The following SPEN variants were observed in gnomAD, a reference collection of about 807,000 sequenced individuals.
SPEN encodes the protein msx2-interacting protein.
Under a neutral mutation model 269.9 loss-of-function variants are expected in SPEN, and 18 were observed. The ratio of observed to expected loss-of-function variants is 0.07; its 90% CI spans 0.05 to 0.10. The LOEUF (loss-of-function observed/expected upper bound fraction) is 0.10, where lower values mean the gene tolerates loss of function less well. SPEN is among the 10% of genes least tolerant of loss of function. The pLI is 1.00. For synonymous variants in SPEN, 1,726 were observed against 1,765.7 expected (o/e 0.98, Z 0.56); for missense variants, 3,822 against 4,631.2 (o/e 0.83, Z 5.07).
At chr1:15,879,798 G>T (rs2070669599) in intron 3 of SPEN, among the ~76,000 whole-genome samples, 1 of 151,996 alleles carries the variant, frequency 6.6e-6, no homozygotes, top group South Asian at 2.1e-4. Flanking sequence ...AGCCTCTCGA[G>T]TAGCTGGGAC....
chr1:15,868,505 G>A (rs1253370625), intron 1 of SPEN, among the ~76,000 whole-genome samples: 3 of 151,524 alleles, frequency 2.0e-5, no homozygotes, highest in Non-Finnish European at 2.9e-5. Flanking sequence ...TGCGATCTTG[G>A]CTCACTGCAA....
intron 4 of SPEN, among the ~76,000 whole-genome samples, chr1:15,910,771 A>G (rs2071005446): frequency 6.6e-6 from 1 of 152,192 alleles, no homozygotes; most frequent in Non-Finnish European, 1.5e-5. Flanking sequence ...CAAAATAACC[A>G]ATACTATCAT....
intron 1 of SPEN, among the ~76,000 whole-genome samples, chr1:15,856,459 A>G (rs2070389010): frequency 6.6e-6 from 1 of 152,144 alleles, no homozygotes; most frequent in Admixed American, 6.6e-5. Flanking sequence ...CGTCACCAAT[A>G]CAAATCATAT....
At chr1:15,898,199 G>A (rs1453926234) in intron 3 of SPEN, among the ~76,000 whole-genome samples, 1 of 143,512 alleles carries the variant, frequency 7.0e-6, no homozygotes, top group African/African-American at 2.5e-5. Context: ...GTGTGTGTGT[G>A]TGTGTGTGTG....
chr1:15,875,307 G>A (rs563421260), intron 2 of SPEN, among the ~76,000 whole-genome samples: 21 of 151,928 alleles, frequency 1.4e-4, no homozygotes, highest in African/African-American at 4.8e-4. Flanking sequence ...TGCTAATAGC[G>A]ACCTTAGAAT....
chr1:15,890,557 G>GATTTTTTTTTTTTTTT (rs1253450395), intron 3 of SPEN, among the ~76,000 whole-genome samples: 1 of 139,462 alleles, frequency 7.2e-6, no homozygotes. Flanking sequence ...TTTTGACTCA[G>GATTTTTTTTTTTTTTT]GTTTTTTTTT....
rs2071234556 is a variant in SPEN at position 15,932,723 on chromosome 1, A to T, written c.6483A>T (p.Glu2161Asp). The T allele has an allele frequency of 6.2e-7, 1 of 1,614,068 alleles. No individual in the cohort carries two copies. Among genetic ancestry groups the T allele is most frequent in the African/African-American group, 1.3e-5 (1 of 74,924 alleles). Residue 2161 changes from glutamate to aspartate, a missense_variant, in exon 11 of 15, where the codon GAA becomes GAT. Around this residue, in one of 16 missense-constraint regions of SPEN, gnomAD observed 727 missense variants for 737.9 expected, o/e 0.99. Coordinates refer to ENST00000375759, the MANE Select transcript of SPEN (RefSeq NM_015001.3). This position sits in a 1 kb window ranked among gnomAD's most constrained non-coding sequence, Gnocchi z 4.2. ...EDVSASGPSPEATQLAKQMEL... is the reference protein window; with the variant it reads ...EDVSASGPSPDATQLAKQMEL... ...TGTCTGCCTCTGGGCCGTCCCCAGA[A>T]GCCACCCAGTTAGCCAAGCAGATGG...
intron 3 of SPEN, 30 bp from the exon 4 acceptor site, chr1:15,909,291 C>A (rs2148728055): frequency 6.3e-7 from 1 of 1,584,036 alleles, no homozygotes; most frequent in Non-Finnish European, 8.6e-7. Flanking sequence ...TGTCTTTTCA[C>A]TAAAGTTTGT....
chr1:15,856,320 C>T (rs993360997), intron 1 of SPEN, among the ~76,000 whole-genome samples: 26 of 151,898 alleles, frequency 1.7e-4, no homozygotes, highest in South Asian at 8.3e-4. Flanking sequence ...AAGACCTCAT[C>T]GATCAGAATT....
chr1:15,926,300 T>C (rs1457776621), intron 10 of SPEN, among the ~76,000 whole-genome samples: 3 of 151,356 alleles, frequency 2.0e-5, no homozygotes, highest in Non-Finnish European at 4.4e-5. Flanking sequence ...GTGGTGGTGG[T>C]GAGGTAGGAG....
At chr1:15,849,877 C>T (rs2070315993) in intron 1 of SPEN, among the ~76,000 whole-genome samples, 1 of 152,136 alleles carries the variant, frequency 6.6e-6, no homozygotes, top group South Asian at 2.1e-4. Context: ...TAGGTCTCTG[C>T]CTGGGAAATT....
At position 15,932,113 on chromosome 1, in the gene SPEN, G is replaced by A. The variant is rs143927299; in HGVS notation, c.5873G>A (p.Arg1958Gln). The change falls in exon 11 of 15, where the codon CGG (arginine) becomes CAG (glutamine). Residue 1958 changes from arginine to glutamine, a missense_variant. Coordinates refer to ENST00000375759, the MANE Select transcript of SPEN (RefSeq NM_015001.3). The surrounding 1 kb of genome is among the most constrained non-coding windows in gnomAD (Gnocchi z 4.2). ...AGGGGAAGGCCTCCAAAGACACGCC[G>A]GCGAGCCGATGAAGAGGAGGAGAAC... ...PRRGRPPKTRRRADEEEENEA... is the reference protein window; with the variant it reads ...PRRGRPPKTRQRADEEEENEA... The A allele has an allele frequency of 2.1e-5, 34 of 1,613,704 alleles. No homozygotes were observed. Among genetic ancestry groups the A allele is most frequent in the East Asian group, 1.3e-4 (6 of 44,894 alleles).
intron 3 of SPEN, among the ~76,000 whole-genome samples, chr1:15,879,599 G>A (rs575851456): frequency 6.6e-6 from 1 of 152,150 alleles, no homozygotes; most frequent in Admixed American, 6.6e-5. Context: ...TCAAGTTAGG[G>A]TAGCTAGATG....
chr1:15,935,429 A>G lies in SPEN; in HGVS notation c.9189A>G (p.Pro3063=), dbSNP rs181769308. 2.3e-4 allele frequency: 365 copies of G among 1,613,992 alleles called. 4 individuals carry two copies. The highest frequency in any genetic ancestry group is 1.9e-5 in the Non-Finnish European group (23 of 1,179,980). ...NATVMLAAGI[P]VPQFISSIHP... ...CAGTCATGCTGGCTGCAGGCATCCC[A>G]GTGCCCCAGTTCATCTCCAGCATCC... Residue 3063 remains proline (P), a synonymous_variant, in exon 11 of 15, where the codon CCA becomes CCG. Coordinates refer to ENST00000375759, the MANE Select transcript of SPEN (RefSeq NM_015001.3). This position sits in a 1 kb window ranked among gnomAD's most constrained non-coding sequence, Gnocchi z 7.7.
Position 15,933,080 on chromosome 1 carries a change from A to G in SPEN, c.6840A>G (p.Glu2280=). The change falls in exon 11 of 15, where the codon GAA becomes GAG. Residue 2280 remains glutamate, a synonymous_variant. Coordinates refer to ENST00000375759, the MANE Select transcript of SPEN (RefSeq NM_015001.3). This position sits in a 1 kb window ranked among gnomAD's most constrained non-coding sequence, Gnocchi z 5.7. ...TCCTGGAAACTGAGGCTGCTACAGA[A>G]TCTTCTAGGCCTCCAGTCAATGCTC... is the stretch of plus-strand genomic sequence containing the variant. The part of the protein sequence containing the change: ...SGILETEAAT[E]SSRPPVNAPD... 5 of 1,614,134 alleles carry G rather than the reference A, an allele frequency of 3.1e-6. No individual in the cohort carries two copies. Among genetic ancestry groups the G allele is most frequent in the Non-Finnish European group, 4.2e-6 (5 of 1,179,964 alleles).
Position 15,901,663 on chromosome 1 carries a change from A to C in SPEN, c.882-7658A>C, listed in dbSNP as rs1203147317. Among the ~76,000 whole-genome samples the C allele has an allele frequency of 4.6e-5, 7 of 151,422 alleles. 1 individual carries two copies. In the South Asian group the frequency reaches 1.2e-3, roughly 27 times the overall value. Reference sequence around the variant, plus strand: ...AGACTCCATCTCAAAAAAAAAAAAAAAAAAAACACCAACAAAAGAGGCTTA... The same window carrying C: ...AGACTCCATCTCAAAAAAAAAAAAACAAAAAACACCAACAAAAGAGGCTTA... On this transcript the variant is annotated intron_variant, in intron 3 of 14. Transcript: ENST00000375759.
At chr1:15,921,565 A>C (rs2071120239) in intron 9 of SPEN, among the ~76,000 whole-genome samples, 1 of 152,038 alleles carries the variant, frequency 6.6e-6, no homozygotes. Context: ...TCACACAGAC[A>C]CTCTCATCGC....
intron 3 of SPEN, among the ~76,000 whole-genome samples, chr1:15,896,496 T>G (rs1336095491): frequency 3.9e-5 from 6 of 152,118 alleles, no homozygotes; most frequent in South Asian, 2.1e-4. Context: ...ATGCCCAGCC[T>G]TTACCATCAC....
At position 15,935,063 on chromosome 1, in the gene SPEN, G is replaced by A; in HGVS notation, c.8823G>A (p.Val2941=). Reference sequence around the variant, plus strand: ...CCCAGGGGATCAACACACCCCCTGTGCTGGTTCACAACCAGCTGGTCCTCA... The same window carrying A: ...CCCAGGGGATCAACACACCCCCTGTACTGGTTCACAACCAGCTGGTCCTCA... ...VLTQGINTPP[V]LVHNQLVLTP... Residue 2941 remains valine, a synonymous_variant, in exon 11 of 15, where the codon GTG becomes GTA. Transcript: ENST00000375759. This position sits in a 1 kb window ranked among gnomAD's most constrained non-coding sequence, Gnocchi z 7.7. 6.2e-7 allele frequency: 1 copy of A among 1,614,046 alleles called. No homozygotes were observed. The highest frequency in any genetic ancestry group is 8.5e-7 in the Non-Finnish European group (1 of 1,179,994).
Sources: allele counts gnomAD v4.1 joint callset (sites outside exome capture counted in the v4.1 genomes callset), GRCh38; gene constraint gnomAD v4.1.1; regional missense constraint gnomAD v4.1.1; non-coding constraint Gnocchi (gnomAD v3.1); transcripts MANE v1.5; gene names NCBI Gene and HGNC (gene_info 2026-07-23, HGNC 2026-07-21).